The following SNX31 variants were observed in gnomAD, a reference collection of about 807,000 sequenced individuals.
The protein encoded by SNX31 is sorting nexin-31.
In SNX31, 58 loss-of-function variants were observed where a neutral mutation model predicts 65.4. That is an observed-to-expected ratio of 0.89 (90% confidence interval 0.72 to 1.10). SNX31 has a LOEUF of 1.10. SNX31 is among the 50% of genes least tolerant of loss of function. The pLI is 0.00. For missense variants in SNX31, 523 were observed against 529.7 expected (o/e 0.99, Z 0.12); for synonymous variants, 181 against 190.1 (o/e 0.95, Z 0.39).
chr8:100,635,041 G>A lies in SNX31; in HGVS notation c.256+856C>T, dbSNP rs1041803216. 1.2e-4 allele frequency among the ~76,000 whole-genome samples: 18 copies of A among 151,974 alleles called. 1 individual carries two copies. The highest frequency in any genetic ancestry group is 8.3e-4 in the South Asian group (4 of 4,814). On this transcript the variant is annotated intron_variant, in intron 3 of 13. Coordinates refer to ENST00000311812, the MANE Select transcript of SNX31 (RefSeq NM_152628.4). Reference sequence around the variant, plus strand: ...GATTGTGCCACTGTACTCCAGCCTCGTCAACAGGGAAAGATCCTGTCTCAA... The same window carrying A: ...GATTGTGCCACTGTACTCCAGCCTCATCAACAGGGAAAGATCCTGTCTCAA...
At position 100,617,742 on chromosome 8, in the gene SNX31, AG is replaced by A; in HGVS notation, c.322-13del. Reference sequence around the variant, plus strand: ...ATGTCAAATGTATTCTATAAGCAAAAGAAAAGCAAAATAAATTTCCACACCT... The same window carrying A: ...ATGTCAAATGTATTCTATAAGCAAAAAAAAGCAAAATAAATTTCCACACCT... On this transcript the variant is annotated splice_polypyrimidine_tract_variant and intron_variant, in intron 4 of 13. Transcript: ENST00000311812. 6.3e-7 allele frequency: 1 copy of A among 1,583,308 alleles called. No individual in the cohort carries two copies. Among genetic ancestry groups the A allele is most frequent in the Non-Finnish European group, 8.6e-7 (1 of 1,166,420 alleles).
At chr8:100,640,881 A>G (rs1322084941) in intron 2 of SNX31, among the ~76,000 whole-genome samples, 1 of 152,242 alleles carries the variant, frequency 6.6e-6, no homozygotes, top group Non-Finnish European at 1.5e-5. Context: ...TACACTGGCC[A>G]GGGTCCTGGA....
chr8:100,581,269 A>C (rs1265509259), intron 12 of SNX31, among the ~76,000 whole-genome samples: 1 of 150,686 alleles, frequency 6.6e-6, no homozygotes, highest in Non-Finnish European at 1.5e-5. Context: ...ACTGCACTCC[A>C]GCCTGGGTGA....
chr8:100,638,934 G>A (rs1197853861), intron 2 of SNX31, among the ~76,000 whole-genome samples: 3 of 152,104 alleles, frequency 2.0e-5, no homozygotes, highest in East Asian at 1.9e-4. Context: ...ATTGCTAAGC[G>A]ACAGGAGTCA....
intron 8 of SNX31, among the ~76,000 whole-genome samples, 187 bp from the exon 9 acceptor site, chr8:100,600,628 G>A (rs960870447): frequency 3.3e-5 from 5 of 151,084 alleles, no homozygotes; most frequent in African/African-American, 1.2e-4. Context: ...GGGGACAATT[G>A]GCAACACTTG....
At position 100,573,781 on chromosome 8, in the gene SNX31, T is replaced by C. The variant is rs1186511563; in HGVS notation, c.*84A>G. 5.6e-6 allele frequency: 5 copies of C among 885,718 alleles called. No individual in the cohort carries two copies. Among genetic ancestry groups the C allele is most frequent in the Non-Finnish European group, 8.6e-6 (5 of 584,056 alleles). 54.9% of individuals were successfully genotyped at this position (885,718 alleles called of 1,614,324 possible). A position where few individuals can be genotyped will look rare whatever the true frequency, so the allele number is the denominator to read the frequency against. On this transcript the variant is annotated 3_prime_UTR_variant, in exon 14 of 14. Transcript: ENST00000311812. ...GAAGAGGTCAAATTTCCTCCACTGA[T>C]GGTAGGTAGCCCACCTGAATCCCCA... is the stretch of plus-strand genomic sequence containing the variant.
At chr8:100,598,962 CTT>C (rs1307515053) in intron 9 of SNX31, among the ~76,000 whole-genome samples, 2 of 152,198 alleles carry the variant, frequency 1.3e-5, no homozygotes, top group African/African-American at 4.8e-5. Context: ...TCAAATGACT[CTT>C]TCTTAAGTTA....
intron 2 of SNX31, among the ~76,000 whole-genome samples, chr8:100,641,563 A>AT (rs1171000204): frequency 4.4e-5 from 1 of 22,582 alleles, no homozygotes; most frequent in Non-Finnish European, 7.2e-5. Flanking sequence ...AAAAAAAAAA[A>AT]AAATATATAT....
At chr8:100,589,028 A>G (rs1283462865) in intron 10 of SNX31, 49 bp from the exon 11 acceptor site, 24 of 1,484,506 alleles carry the variant, frequency 1.6e-5, no homozygotes, top group Non-Finnish European at 2.1e-5. Context: ...ATGCCTATTA[A>G]TTTGCCGGGC....
rs1396182333 is a variant in SNX31, at chr8:100,630,689, T to C, written c.257-298A>G. Among the ~76,000 whole-genome samples, 2 of 152,188 alleles carry C rather than the reference T, an allele frequency of 1.3e-5. No individual in the cohort carries two copies. Among genetic ancestry groups the C allele is most frequent in the Non-Finnish European group, 2.9e-5 (2 of 68,036 alleles). On this transcript the variant is annotated intron_variant, in intron 3 of 13. Transcript: ENST00000311812. This position sits in a 1 kb window ranked among gnomAD's most constrained non-coding sequence, Gnocchi z 5.3. ...TTTTGCTGCCCTACCAGGATGATAA[T>C]GAAGTTTATATGAAGAATCAGAAAG...
chr8:100,612,854 A>AC lies in SNX31; in HGVS notation c.523+140dup. On this transcript the variant is annotated intron_variant, in intron 6 of 13. Transcript: ENST00000311812. This position sits in a 1 kb window ranked among gnomAD's most constrained non-coding sequence, Gnocchi z 4.3. ...AAGGACGCAACCTCCTATTCCCTAA[A>AC]CCCTTAACCCAGTGACTGAGAACAG... 1 of 731,626 alleles carries AC rather than the reference A, an allele frequency of 1.4e-6. No homozygotes were observed. Among genetic ancestry groups the AC allele is most frequent in the East Asian group, 2.6e-5 (1 of 38,876 alleles). 45.3% of individuals were successfully genotyped at this position (731,626 alleles called of 1,614,324 possible).
intron 3 of SNX31, 28 bp downstream of exon 3, chr8:100,635,869 T>C: frequency 6.5e-7 from 1 of 1,541,864 alleles, no homozygotes; most frequent in Non-Finnish European, 9.0e-7. Flanking sequence ...AATAAATCTG[T>C]TTTTTAAAAA....
In SNX31 at chr8:100,611,454, G is replaced by T. The variant is rs1478308682; in HGVS notation, c.611+546C>A. On this transcript the variant is annotated intron_variant, in intron 7 of 13. Coordinates refer to ENST00000311812, the MANE Select transcript of SNX31 (RefSeq NM_152628.4). Reference sequence around the variant, plus strand: ...CCTCCTCATTTTCATACCCCACCCCGCCCTGAGTATTTACCTGAGACTACT... The same window carrying T: ...CCTCCTCATTTTCATACCCCACCCCTCCCTGAGTATTTACCTGAGACTACT... 3.3e-5 allele frequency among the ~76,000 whole-genome samples: 5 copies of T among 151,764 alleles called. No homozygotes were observed. The East Asian group carries it at 7.7e-4, about 23-fold the overall frequency.
At chr8:100,640,982 G>T (rs1236553293) in intron 2 of SNX31, among the ~76,000 whole-genome samples, 1 of 152,170 alleles carries the variant, frequency 6.6e-6, no homozygotes, top group Non-Finnish European at 1.5e-5. Flanking sequence ...TTTGTTAATT[G>T]TAATGAATGC....
intron 8 of SNX31, among the ~76,000 whole-genome samples, chr8:100,606,086 A>T (rs1373714188): frequency 1.3e-5 from 2 of 151,112 alleles, no homozygotes; most frequent in East Asian, 3.9e-4. Context: ...CCCAGACTGG[A>T]GTGTAATGGC....
chr8:100,610,949 C>A lies in SNX31; in HGVS notation c.611+1051G>T, dbSNP rs1816657974. On this transcript the variant is annotated intron_variant, in intron 7 of 13. Coordinates refer to ENST00000311812, the MANE Select transcript of SNX31 (RefSeq NM_152628.4). This position sits in a 1 kb window ranked among gnomAD's most constrained non-coding sequence, Gnocchi z 4.0. ...AGCGAGCCTAAGGAGCAATCCCCTGCAGCCACGGTAATAAACACTGGGAGC... is the reference window on the plus strand; with the variant it reads ...AGCGAGCCTAAGGAGCAATCCCCTGAAGCCACGGTAATAAACACTGGGAGC... Among the ~76,000 whole-genome samples, 1 of 152,218 alleles carries A rather than the reference C, an allele frequency of 6.6e-6. No individual in the cohort carries two copies. The highest frequency in any genetic ancestry group is 1.5e-5 in the Non-Finnish European group (1 of 68,042).
chr8:100,645,606 ATTTTTT>A (rs10598981), intron 2 of SNX31, among the ~76,000 whole-genome samples: 2 of 106,700 alleles, frequency 1.9e-5, no homozygotes. Flanking sequence ...CAGACTCTTC[ATTTTTT>A]TTTTTTTTTT....
chr8:100,602,746 G>A (rs974627434), intron 8 of SNX31, among the ~76,000 whole-genome samples: 1 of 152,172 alleles, frequency 6.6e-6, no homozygotes, highest in African/African-American at 2.4e-5. Context: ...CAGACAGCAC[G>A]AAGAAACTGG....
chr8:100,649,655 C>T lies in SNX31; in HGVS notation c.-141G>A. ...AACCCCGGCGCCCGCTCTCGCCGGC[C>T]GGGGACATCTACAGGTGGGGCCGGG... On this transcript the variant is annotated 5_prime_UTR_variant, in exon 1 of 14. Coordinates refer to ENST00000311812, the MANE Select transcript of SNX31 (RefSeq NM_152628.4). The T allele has an allele frequency of 2.7e-6, 2 of 747,936 alleles. No individual in the cohort carries two copies. Among genetic ancestry groups the T allele is most frequent in the Non-Finnish European group, 2.1e-6 (1 of 476,814 alleles). The allele number at this position is 747,936 out of a possible 1,614,324, so 46.3% of individuals were successfully genotyped here. A position where few individuals can be genotyped will look rare whatever the true frequency, so the allele number is the denominator to read the frequency against.
Sources: allele counts gnomAD v4.1 joint callset (sites outside exome capture counted in the v4.1 genomes callset), GRCh38; gene constraint gnomAD v4.1.1; non-coding constraint Gnocchi (gnomAD v3.1); transcripts MANE v1.5; gene names NCBI Gene and HGNC (gene_info 2026-07-23, HGNC 2026-07-21).